ENOX2: variants seen among roughly 807,000 people sequenced by gnomAD.
ENOX2 encodes the protein APK1 antigen.
ENOX2 carries 36 observed loss-of-function variants against 45.0 expected under a neutral mutation model. That is an observed-to-expected ratio of 0.80 (90% confidence interval 0.61 to 1.06). ENOX2 has a LOEUF of 1.06. Among genes scored for constraint, ENOX2 ranks in the 50% least tolerant of loss-of-function variants. The probability of loss-of-function intolerance (pLI) is 0.00; values close to 1 mark genes in which losing one functional copy is unlikely to be tolerated. For missense variants in ENOX2, 423 were observed against 462.5 expected, an observed-to-expected ratio of 0.91 and a Z score of 0.78; for synonymous variants, 174 against 152.3, an observed-to-expected ratio of 1.14 and a Z score of -1.05.
chrX:130,747,860 G>C (rs944748805), intron 3 of ENOX2, among the ~76,000 whole-genome samples: 2 of 112,352 alleles, frequency 1.8e-5, no homozygotes, highest in Admixed American at 9.4e-5. Context: ...GGTGTCTTTG[G>C]ACAGATGTAT....
At chrX:130,688,773 G>A in intron 5 of ENOX2, 90 bp downstream of exon 5, 2 of 749,278 alleles carry the variant, frequency 2.7e-6, no homozygotes, top group South Asian at 6.6e-5. Context: ...AAACATCTAT[G>A]AAGCCCTTGG....
chrX:130,693,031 TTG>T (rs774304304), intron 4 of ENOX2, among the ~76,000 whole-genome samples: 2 of 112,098 alleles, frequency 1.8e-5, no homozygotes, highest in Non-Finnish European at 3.8e-5. Flanking sequence ...CCATGTAGCT[TTG>T]AGCCTTCCTG....
chrX:130,644,857 T>G (rs900204650), intron 10 of ENOX2, among the ~76,000 whole-genome samples: 1 of 111,399 alleles, frequency 9.0e-6, no homozygotes, highest in African/African-American at 3.3e-5. Context: ...CCAAAGAACA[T>G]GCAAGACCAA....
intron 3 of ENOX2, among the ~76,000 whole-genome samples, chrX:130,741,973 T>C (rs1337128538): frequency 8.9e-6 from 1 of 111,953 alleles, no homozygotes; most frequent in African/African-American, 3.2e-5. Flanking sequence ...TTTTCCTTTG[T>C]CCAGGGTGGA....
At chrX:130,882,333 G>GAAAA (rs148363895) in intron 2 of ENOX2, among the ~76,000 whole-genome samples, 1 of 79,753 alleles carries the variant, frequency 1.3e-5, no homozygotes, top group Admixed American at 1.4e-4. Context: ...TGTCTATTTG[G>GAAAA]AAAAAAAAAA....
intron 3 of ENOX2, among the ~76,000 whole-genome samples, chrX:130,733,593 G>A (rs1277992154): frequency 8.9e-6 from 1 of 112,173 alleles, no homozygotes; most frequent in Admixed American, 9.4e-5. Flanking sequence ...GTAAAACTGT[G>A]GCAAGCCCTA....
intron 10 of ENOX2, among the ~76,000 whole-genome samples, chrX:130,641,698 C>T (rs904943805): frequency 1.9e-4 from 11 of 57,364 alleles, no homozygotes; most frequent in Non-Finnish European, 3.0e-4. Context: ...TCCTGGGCAA[C>T]AAGAGTGAAA....
At chrX:130,744,254 C>T (rs1470683257) in intron 3 of ENOX2, among the ~76,000 whole-genome samples, 3 of 111,829 alleles carry the variant, frequency 2.7e-5, no homozygotes, top group Non-Finnish European at 5.6e-5. Context: ...TCTATGAGTT[C>T]CCTGTCTGAT....
At chrX:130,688,338 G>C (rs1377537397) in intron 5 of ENOX2, among the ~76,000 whole-genome samples, 1 of 112,147 alleles carries the variant, frequency 8.9e-6, no homozygotes, top group Non-Finnish European at 1.9e-5. Context: ...TGGTGGCTAT[G>C]AGTAGTGTGA....
intron 13 of ENOX2, among the ~76,000 whole-genome samples, chrX:130,628,833 A>G (rs1448314839): frequency 8.9e-6 from 1 of 111,814 alleles, no homozygotes; most frequent in Non-Finnish European, 1.9e-5. Flanking sequence ...TAATTGTTTA[A>G]TACTTCTTTC....
chrX:130,756,435 G>A (rs948838144), intron 3 of ENOX2, among the ~76,000 whole-genome samples: 31 of 112,000 alleles, frequency 2.8e-4, no homozygotes, highest in Middle Eastern at 4.6e-3. Context: ...CAGAATGGAC[G>A]TTGCTTCTTT....
intron 3 of ENOX2, among the ~76,000 whole-genome samples, chrX:130,727,846 C>T (rs764561042): frequency 4.5e-5 from 5 of 111,898 alleles, no homozygotes; most frequent in African/African-American, 9.7e-5. Flanking sequence ...ACTCAGAATA[C>T]GAGCTAGGGC....
chrX:130,719,251 G>A (rs944311236), intron 3 of ENOX2, among the ~76,000 whole-genome samples: 9 of 110,997 alleles, frequency 8.1e-5, no homozygotes, highest in Admixed American at 2.9e-4. Context: ...GTGAACAGAC[G>A]CAAGTTGTGC....
At chrX:130,764,200 T>C (rs973002216) in intron 3 of ENOX2, among the ~76,000 whole-genome samples, 1 of 111,182 alleles carries the variant, frequency 9.0e-6, no homozygotes, top group Non-Finnish European at 1.9e-5. Flanking sequence ...TTTTTAAATA[T>C]ATAATATCCA....
chrX:130,818,512 C>T (rs755021430), intron 2 of ENOX2, among the ~76,000 whole-genome samples: 6 of 111,792 alleles, frequency 5.4e-5, no homozygotes, highest in East Asian at 2.8e-4. Context: ...TACAAGGCTA[C>T]GGTAACCAAA....
At chrX:130,781,780 TTTG>T (rs34314158) in intron 3 of ENOX2, among the ~76,000 whole-genome samples, 5,158 of 110,010 alleles carry the variant, frequency 0.047, 284 homozygotes, top group African/African-American at 0.16. Flanking sequence ...ATGGCTGGGT[TTTG>T]TTGTTGTTGT....
At chrX:130,641,360 C>T (rs1201375638) in intron 10 of ENOX2, among the ~76,000 whole-genome samples, 25 of 111,513 alleles carry the variant, frequency 2.2e-4, no homozygotes. Context: ...GAATTCTGCA[C>T]CCTGTGAAAT....
At chrX:130,731,729 A>G (rs1399485641) in intron 3 of ENOX2, among the ~76,000 whole-genome samples, 1 of 112,442 alleles carries the variant, frequency 8.9e-6, no homozygotes, top group Non-Finnish European at 1.9e-5. Context: ...TTAATATGAC[A>G]TTGAGAGAAT....
chrX:130,845,621 A>G (rs1273805594), intron 2 of ENOX2, among the ~76,000 whole-genome samples: 2 of 111,610 alleles, frequency 1.8e-5, no homozygotes, highest in Non-Finnish European at 3.8e-5. Context: ...ATGTGCCACC[A>G]CACCCGGCTA....
Sources: allele counts gnomAD v4.1 joint callset (sites outside exome capture counted in the v4.1 genomes callset), GRCh38; gene constraint gnomAD v4.1.1; transcripts MANE v1.5; gene names NCBI Gene and HGNC (gene_info 2026-07-23, HGNC 2026-07-21).